Variants in CCDC6 observed in about 807,000 individuals in gnomAD.
The protein encoded by CCDC6 is coiled-coil domain containing 6, also known as coiled-coil domain-containing protein 6.
A neutral mutation model predicts 56.6 loss-of-function variants in CCDC6; 20 were observed. The observed-to-expected ratio is 0.35, with a 90% CI of 0.25 to 0.51. The LOEUF is 0.51. CCDC6 is among the 20% of genes least tolerant of loss of function. The probability of loss-of-function intolerance (pLI) is 0.95; values close to 1 mark genes in which losing one functional copy is unlikely to be tolerated. For missense variants in CCDC6, 367 were observed against 601.1 expected, an observed-to-expected ratio of 0.61 and a Z score of 4.07; for synonymous variants, 241 against 234.4, an observed-to-expected ratio of 1.03 and a Z score of -0.26.
intron 8 of CCDC6, among the ~76,000 whole-genome samples, chr10:59,793,629 C>A (rs574630784): frequency 1.1e-4 from 16 of 152,256 alleles, no homozygotes; most frequent in African/African-American, 3.8e-4. Context: ...ATTAAAAATA[C>A]AAAAAGCAGC....
In CCDC6 at chr10:59,884,435, A is replaced by G. The variant is rs562758888; in HGVS notation, c.303+21687T>C. 2.0e-5 allele frequency among the ~76,000 whole-genome samples: 3 copies of G among 152,354 alleles called. No individual in the cohort carries two copies. The South Asian group carries it at 6.2e-4, about 32-fold the overall frequency. Reference sequence around the variant, plus strand: ...TCTACTCCTAGATTATCCTACAGATAATAAAAACCATTGCTAAGACTTGTT... The same window carrying G: ...TCTACTCCTAGATTATCCTACAGATGATAAAAACCATTGCTAAGACTTGTT... On this transcript the variant is annotated intron_variant, in intron 1 of 8. Coordinates refer to ENST00000263102, the MANE Select transcript of CCDC6 (RefSeq NM_005436.5).
At chr10:59,829,160 C>T (rs1374111109) in intron 3 of CCDC6, among the ~76,000 whole-genome samples, 1 of 152,158 alleles carries the variant, frequency 6.6e-6, no homozygotes, top group Non-Finnish European at 1.5e-5. Flanking sequence ...TAACTGGGGC[C>T]TTCCTAGGAA....
At chr10:59,866,182 T>A (rs1045138568) in intron 1 of CCDC6, among the ~76,000 whole-genome samples, 9 of 152,160 alleles carry the variant, frequency 5.9e-5, no homozygotes, top group Admixed American at 5.9e-4. Context: ...ACAGACACTG[T>A]CCCCACCCTG....
intron 1 of CCDC6, among the ~76,000 whole-genome samples, chr10:59,858,452 C>T (rs1057121378): frequency 2.0e-5 from 3 of 152,148 alleles, no homozygotes; most frequent in Admixed American, 2.0e-4. Context: ...AGATACTAAG[C>T]CTAGGTCATT....
In CCDC6 at chr10:59,849,133, T is replaced by A. The variant is rs74719195; in HGVS notation, c.453+3420A>T. ...TCAAGAGTAGAATTTAGCTCTAATG[T>A]AGGTTCATGTTGAACTTACCAAAAG... On this transcript the variant is annotated intron_variant, in intron 2 of 8. Coordinates refer to ENST00000263102, the MANE Select transcript of CCDC6 (RefSeq NM_005436.5). Among the ~76,000 whole-genome samples, 486 of 152,364 alleles carry A rather than the reference T, an allele frequency of 3.2e-3. 4 individuals carry two copies. The highest frequency in any genetic ancestry group is 5.0e-3 in the Non-Finnish European group (343 of 68,038).
At chr10:59,822,893 T>C (rs1474883584) in intron 3 of CCDC6, among the ~76,000 whole-genome samples, 1 of 135,840 alleles carries the variant, frequency 7.4e-6, no homozygotes, top group African/African-American at 2.8e-5. Context: ...CCCCACCCTA[T>C]GCTTATAAAA....
intron 1 of CCDC6, among the ~76,000 whole-genome samples, chr10:59,860,404 G>A (rs770592471): frequency 6.6e-6 from 1 of 152,158 alleles, no homozygotes; most frequent in Non-Finnish European, 1.5e-5. Context: ...AACTGGATCA[G>A]AAGAACTGAG....
At chr10:59,818,100 T>C (rs1446183414) in intron 3 of CCDC6, among the ~76,000 whole-genome samples, 1 of 152,112 alleles carries the variant, frequency 6.6e-6, no homozygotes, top group Non-Finnish European at 1.5e-5. Context: ...AACATGGATT[T>C]AGGGCAAATC....
intron 7 of CCDC6, among the ~76,000 whole-genome samples, chr10:59,796,532 T>C (rs548851882): frequency 1.3e-5 from 2 of 152,298 alleles, no homozygotes; most frequent in East Asian, 1.9e-4. Context: ...GAAATCAGTA[T>C]GAAAATGCCT....
At chr10:59,793,162 T>C in intron 8 of CCDC6, 51 bp from the exon 9 acceptor site, 1 of 1,482,248 alleles carries the variant, frequency 6.7e-7, no homozygotes, top group South Asian at 1.2e-5. Flanking sequence ...GTGGATCTCA[T>C]TCTACCTAAC....
chr10:59,832,663 GA>G lies in CCDC6; in HGVS notation c.454-11del. 1 of 1,610,362 alleles carries G rather than the reference GA, an allele frequency of 6.2e-7. No individual in the cohort carries two copies. The highest frequency in any genetic ancestry group is 1.1e-5 in the South Asian group (1 of 90,202). On this transcript the variant is annotated splice_polypyrimidine_tract_variant and intron_variant, in intron 2 of 8. Transcript: ENST00000263102. ...CTTTCTCATGCTGCAACTGGAAAAT[GA>G]AAAACACCGAGATGTGGAAATCAGG...
At chr10:59,799,468 C>T (rs1354959110) in intron 7 of CCDC6, among the ~76,000 whole-genome samples, 2 of 152,150 alleles carry the variant, frequency 1.3e-5, no homozygotes, top group Admixed American at 6.5e-5. Context: ...AAGACTTCTG[C>T]ATTTGGCTTC....
intron 1 of CCDC6, among the ~76,000 whole-genome samples, chr10:59,858,486 A>C (rs1022690890): frequency 5.3e-5 from 8 of 152,204 alleles, no homozygotes; most frequent in Non-Finnish European, 1.2e-4. Context: ...AGAGCAAGAG[A>C]GAAAATAGCA....
chr10:59,860,041 C>G (rs1453091114), intron 1 of CCDC6, among the ~76,000 whole-genome samples: 2 of 152,184 alleles, frequency 1.3e-5, no homozygotes, highest in Non-Finnish European at 2.9e-5. Context: ...AGTTTTGTGC[C>G]ACTGTACTCC....
chr10:59,813,872 C>G (rs781064345), intron 4 of CCDC6, among the ~76,000 whole-genome samples: 182 of 152,214 alleles, frequency 1.2e-3, no homozygotes, highest in Non-Finnish European at 1.7e-3. Context: ...GACATGAACT[C>G]AAAACAATTA....
At chr10:59,880,639 A>G (rs1031039995) in intron 1 of CCDC6, among the ~76,000 whole-genome samples, 2 of 152,204 alleles carry the variant, frequency 1.3e-5, no homozygotes, top group Admixed American at 1.3e-4. Flanking sequence ...TATGTGTATA[A>G]GTTATACTCC....
chr10:59,903,009 T>C (rs1684889), intron 1 of CCDC6, among the ~76,000 whole-genome samples: 143,649 of 152,236 alleles, frequency 0.94, 68,268 homozygotes, highest in Middle Eastern at 1. Flanking sequence ...GAAAACAAGA[T>C]ATAGGAGTTG....
In CCDC6 at chr10:59,818,034, G is replaced by A. The variant is rs183235238; in HGVS notation, c.583-3279C>T. Among the ~76,000 whole-genome samples the A allele has an allele frequency of 5.1e-4, 77 of 152,202 alleles. No individual in the cohort carries two copies. The East Asian group carries it at 0.014, about 28-fold the overall frequency. On this transcript the variant is annotated intron_variant, in intron 3 of 8. Coordinates refer to ENST00000263102, the MANE Select transcript of CCDC6 (RefSeq NM_005436.5). Reference sequence around the variant, plus strand: ...GATAGGAACGGATATCGGTCACCATGGCAGCCAAAATTGCTGGGTCCTGTC... The same window carrying A: ...GATAGGAACGGATATCGGTCACCATAGCAGCCAAAATTGCTGGGTCCTGTC...
At chr10:59,832,455 A>G (rs2070842409) in intron 3 of CCDC6, 70 bp downstream of exon 3, 3 of 1,450,376 alleles carry the variant, frequency 2.1e-6, no homozygotes, top group Non-Finnish European at 2.8e-6. Flanking sequence ...TCCTCCAGGC[A>G]TCTTAAAGCT....
Sources: gnomAD v4.1 joint callset for allele counts (sites outside exome capture counted in the v4.1 genomes callset) on GRCh38, gnomAD v4.1.1 for gene constraint, MANE v1.5 for transcripts, NCBI Gene and HGNC (gene_info 2026-07-23, HGNC 2026-07-21) for gene names.